Variants in MROH2A observed in about 807,000 individuals in gnomAD.
MROH2A encodes maestro heat-like repeat-containing protein family member 2A.
Under a neutral mutation model 200.4 loss-of-function variants are expected in MROH2A, and 174 were observed. That is an observed-to-expected ratio of 0.87 (90% CI 0.77 to 0.98). The LOEUF is 0.98. MROH2A is among the 50% of genes least tolerant of loss of function. MROH2A has a pLI of 0.00. For missense variants in MROH2A, 2,045 were observed against 2,139.6 expected (o/e 0.96, Z 0.87); for synonymous variants, 829 against 840.4 (o/e 0.99, Z 0.23).
intron 8 of MROH2A, 22 bp from the exon 9 acceptor site, chr2:233,795,631 A>T: frequency 6.4e-7 from 1 of 1,550,884 alleles, no homozygotes; most frequent in Non-Finnish European, 8.7e-7. Flanking sequence ...GTCACCTGCC[A>T]CCATTTGCCA....
intron 25 of MROH2A, 38 bp from the exon 26 acceptor site, chr2:233,814,544 C>G (rs1228379279): frequency 6.7e-7 from 1 of 1,500,358 alleles, no homozygotes; most frequent in Non-Finnish European, 9.1e-7. Context: ...GTGGGTGCCC[C>G]TCATTGCCGC....
In MROH2A at chr2:233,820,402, A is replaced by G. The variant is rs1286596074; in HGVS notation, c.3512+346A>G. ...GGGCTGCAGGGTGCGGCTCCAAGGCATGAGCAAGCCCTGGATATATTCCAG... is the reference window on the plus strand; with the variant it reads ...GGGCTGCAGGGTGCGGCTCCAAGGCGTGAGCAAGCCCTGGATATATTCCAG... On this transcript the variant is annotated intron_variant, in intron 31 of 41. Coordinates refer to ENST00000389758, the MANE Select transcript of MROH2A (RefSeq NM_001394639.1). The surrounding 1 kb of genome is among the most constrained non-coding windows in gnomAD (Gnocchi z 4.1). 6.6e-6 allele frequency among the ~76,000 whole-genome samples: 1 copy of G among 152,180 alleles called. No individual in the cohort carries two copies. Among genetic ancestry groups the G allele is most frequent in the African/African-American group, 2.4e-5 (1 of 41,456 alleles).
At chr2:233,789,696 C>T in intron 4 of MROH2A, 68 bp downstream of exon 4, 1 of 1,437,750 alleles carries the variant, frequency 7.0e-7, no homozygotes, top group Middle Eastern at 2.3e-4. Context: ...GGGGGCCTGG[C>T]CCAGGATGCC....
At chr2:233,803,917 C>T (rs1702632477) in intron 16 of MROH2A, 134 bp from the exon 17 acceptor site, 1 of 1,191,990 alleles carries the variant, frequency 8.4e-7, no homozygotes, top group Non-Finnish European at 1.2e-6. Context: ...TGCAGGTGCA[C>T]TCTCTATTTG....
At chr2:233,819,772 G>A in intron 30 of MROH2A, 130 bp from the exon 31 acceptor site, 1 of 1,018,652 alleles carries the variant, frequency 9.8e-7, no homozygotes, top group Admixed American at 3.0e-5. Context: ...CACTAGAGAG[G>A]GTGCTGGGCG....
intron 29 of MROH2A, among the ~76,000 whole-genome samples, chr2:233,819,074 G>A (rs565840595): frequency 5.2e-5 from 8 of 152,382 alleles, no homozygotes; most frequent in African/African-American, 1.9e-4. Context: ...CCTGCACGTG[G>A]TGTGGGCACG....
At chr2:233,794,982 T>C (rs539767678) in intron 8 of MROH2A, among the ~76,000 whole-genome samples, 1 of 152,252 alleles carries the variant, frequency 6.6e-6, no homozygotes, top group Non-Finnish European at 1.5e-5. Context: ...CTCCAATTTC[T>C]CCCTTCCTCA....
intron 16 of MROH2A, 114 bp downstream of exon 16, chr2:233,803,602 T>G (rs1220229499): frequency 9.1e-7 from 1 of 1,097,572 alleles, no homozygotes; most frequent in Non-Finnish European, 1.3e-6. Flanking sequence ...TGAGGTGCAA[T>G]GAGGGAGTTT....
chr2:233,799,462 T>C (rs527240393), intron 12 of MROH2A, among the ~76,000 whole-genome samples: 2 of 152,122 alleles, frequency 1.3e-5, no homozygotes, highest in Admixed American at 6.5e-5. Context: ...TTCTCATCAA[T>C]GGAGCAAGCC....
intron 3 of MROH2A, among the ~76,000 whole-genome samples, chr2:233,789,235 A>G (rs1701574300): frequency 6.6e-6 from 1 of 152,188 alleles, no homozygotes; most frequent in Non-Finnish European, 1.5e-5. Flanking sequence ...TTGTGTGTTG[A>G]TCACTTAACA....
At chr2:233,801,581 C>A (rs1022035265) in intron 14 of MROH2A, among the ~76,000 whole-genome samples, 1 of 152,198 alleles carries the variant, frequency 6.6e-6, no homozygotes, top group Admixed American at 6.5e-5. Flanking sequence ...GATGCTGCAG[C>A]CTTGTGGCTG....
chr2:233,829,535 G>C (rs1034707865), intron 37 of MROH2A, 85 bp from the exon 38 acceptor site: 7 of 1,280,958 alleles, frequency 5.5e-6, no homozygotes, highest in Non-Finnish European at 7.1e-6. Context: ...AGGGACCAAG[G>C]CATTGGGTAT....
chr2:233,803,365 G>T lies in MROH2A; in HGVS notation c.1709-83G>T, dbSNP rs111298165. ...TCATGTTGGGGAGGAACCTTCTAGG[G>T]TAAAGTTCCTAGATGGGGACATAGG... is the stretch of plus-strand genomic sequence containing the variant. On this transcript the variant is annotated intron_variant, in intron 15 of 41. Coordinates refer to ENST00000389758, the MANE Select transcript of MROH2A (RefSeq NM_001394639.1). 2,778 of 1,441,378 alleles carry T rather than the reference G, an allele frequency of 1.9e-3. 41 individuals carry two copies. In the African/African-American group the frequency reaches 0.035, roughly 18 times the overall value. 89.3% of individuals were successfully genotyped at this position (1,441,378 alleles called of 1,614,324 possible).
chr2:233,821,394 A>G (rs1703927405), intron 31 of MROH2A, among the ~76,000 whole-genome samples: 1 of 151,670 alleles, frequency 6.6e-6, no homozygotes, highest in Admixed American at 6.6e-5. Flanking sequence ...CCAGGCCCCC[A>G]GGCACATCTC....
At chr2:233,822,786 C>T in intron 33 of MROH2A, 95 bp from the exon 34 acceptor site, 2 of 1,445,296 alleles carry the variant, frequency 1.4e-6, no homozygotes, top group East Asian at 2.5e-5. Context: ...CTGGGCCCGG[C>T]AGGCACTGGG....
intron 3 of MROH2A, among the ~76,000 whole-genome samples, chr2:233,787,526 TAC>T (rs1701278807): frequency 8.4e-6 from 1 of 119,700 alleles, no homozygotes; most frequent in Non-Finnish European, 1.6e-5. Flanking sequence ...ACATATATAT[TAC>T]ATATATCATA....
intron 30 of MROH2A, 25 bp downstream of exon 30, chr2:233,819,494 C>T: frequency 1.9e-6 from 3 of 1,546,910 alleles, no homozygotes; most frequent in South Asian, 2.4e-5. Flanking sequence ...GCAGGGCCAC[C>T]AGAGAGAGGG....
Position 233,799,887 on chromosome 2 carries a change from CACCTACAA to C in MROH2A, c.1440_1447del (p.Tyr481AspfsTer151). ...ACCTGTCTGTGCAGCTGACCTTATCCACCTACAAACTGGTGAGTGGCCCTGATACGCAG... is the reference window on the plus strand; with the variant it reads ...ACCTGTCTGTGCAGCTGACCTTATCCACTGGTGAGTGGCCCTGATACGCAG... On this transcript the variant is annotated frameshift_variant, in exon 13 of 42. Transcript: ENST00000389758. LOFTEE classifies it high-confidence loss of function. The C allele has an allele frequency of 1.3e-6, 2 of 1,550,480 alleles. No individual in the cohort carries two copies. The highest frequency in any genetic ancestry group is 1.7e-6 in the Non-Finnish European group (2 of 1,146,924).
chr2:233,807,838 C>T lies in MROH2A; in HGVS notation c.2278C>T (p.Gln760Ter), dbSNP rs1702905673. 7 of 1,551,010 alleles carry T rather than the reference C, an allele frequency of 4.5e-6. No homozygotes were observed. The highest frequency in any genetic ancestry group is 6.1e-6 in the Non-Finnish European group (7 of 1,147,078). Residue 760 changes from glutamine to a stop codon, truncating the protein, a stop_gained, in exon 21 of 42, where the codon CAG becomes TAG. Coordinates refer to ENST00000389758, the MANE Select transcript of MROH2A (RefSeq NM_001394639.1). LOFTEE classifies it high-confidence loss of function. This position sits in a 1 kb window ranked among gnomAD's most constrained non-coding sequence, Gnocchi z 4.3. ...ERIQESEQSW[Q>*]ISAWRKDHPW... ...GATCCAGGAGTCAGAGCAGTCCTGG[C>T]AGATCAGTGCTTGGCGGGTAAGCCA...
Sources: allele counts gnomAD v4.1 joint callset (sites outside exome capture counted in the v4.1 genomes callset), GRCh38; gene constraint gnomAD v4.1.1; non-coding constraint Gnocchi (gnomAD v3.1); transcripts MANE v1.5; gene names NCBI Gene and HGNC (gene_info 2026-07-23, HGNC 2026-07-21).